The following CDH13 variants were observed in gnomAD, a reference collection of about 807,000 sequenced individuals.
The protein encoded by CDH13 is cadherin-13.
A neutral mutation model predicts 63.8 loss-of-function variants in CDH13; 24 were observed. The observed-to-expected ratio is 0.38, with a 90% CI of 0.27 to 0.53. The LOEUF is 0.53. CDH13 is among the 20% of genes least tolerant of loss of function. The pLI is 0.85. For synonymous variants in CDH13, 503 were observed against 355.3 expected (o/e 1.42, Z -4.67); for missense variants, 1,049 against 903.1 (o/e 1.16, Z -2.07).
intron 7 of CDH13, among the ~76,000 whole-genome samples, chr16:83,547,570 G>C (rs2075408814): frequency 6.6e-6 from 1 of 152,120 alleles, no homozygotes; most frequent in African/African-American, 2.4e-5. Context: ...TTCTGTTCCT[G>C]GGTTAGTTTG....
chr16:82,870,864 C>G (rs570718754), intron 2 of CDH13, among the ~76,000 whole-genome samples: 1 of 152,304 alleles, frequency 6.6e-6, no homozygotes, highest in Admixed American at 6.5e-5. Context: ...GAAATATTAG[C>G]TGTCAGAAAC....
At chr16:82,706,876 T>C (rs2031537082) in intron 1 of CDH13, among the ~76,000 whole-genome samples, 1 of 152,174 alleles carries the variant, frequency 6.6e-6, no homozygotes, top group African/African-American at 2.4e-5. Flanking sequence ...GAATTAGGTA[T>C]ATGTGCCTGC....
intron 4 of CDH13, among the ~76,000 whole-genome samples, chr16:83,194,804 G>C (rs2038827581): frequency 6.6e-6 from 1 of 152,188 alleles, no homozygotes; most frequent in South Asian, 2.1e-4. Flanking sequence ...GCAACACTTT[G>C]TGACGGCCAG....
intron 5 of CDH13, among the ~76,000 whole-genome samples, chr16:83,331,137 G>T (rs1055640851): frequency 6.6e-6 from 1 of 152,134 alleles, no homozygotes; most frequent in African/African-American, 2.4e-5. Flanking sequence ...GGACGGACTT[G>T]GGCCTTAAAG....
intron 10 of CDH13, chr16:83,735,480 A>G (rs868048697): frequency 1.3e-5 from 2 of 152,148 alleles, no homozygotes; most frequent in East Asian, 3.8e-4. Flanking sequence ...TTTATGAGGC[A>G]TAATGTGATG....
intron 7 of CDH13, 72 bp downstream of exon 7, chr16:83,486,727 G>A: frequency 7.1e-7 from 1 of 1,416,654 alleles, no homozygotes; most frequent in Non-Finnish European, 9.9e-7. Context: ...ATGATGTGGG[G>A]CTCCAGTCAG....
At chr16:82,948,139 A>G (rs982039927) in intron 2 of CDH13, among the ~76,000 whole-genome samples, 2 of 152,194 alleles carry the variant, frequency 1.3e-5, no homozygotes, top group Non-Finnish European at 2.9e-5. Context: ...CTATCAAAAC[A>G]AAGAAATGAA....
intron 4 of CDH13, among the ~76,000 whole-genome samples, chr16:83,130,893 C>G (rs770792661): frequency 1.3e-5 from 2 of 152,162 alleles, no homozygotes; most frequent in Non-Finnish European, 2.9e-5. Flanking sequence ...AAGCAAGGTG[C>G]TGTGGCAAGT....
At chr16:83,697,670 CAG>C (rs1421884975) in intron 10 of CDH13, among the ~76,000 whole-genome samples, 1 of 152,222 alleles carries the variant, frequency 6.6e-6, no homozygotes, top group Non-Finnish European at 1.5e-5. Context: ...GTTTTTGAGA[CAG>C]AGTCTCACTC....
In CDH13 at chr16:82,627,380, G is replaced by GTGTGTA. The variant is rs1468653196; in HGVS notation, c.45+244_45+245insGTGTAT. 2.1e-4 allele frequency among the ~76,000 whole-genome samples: 30 copies of GTGTGTA among 142,520 alleles called. No homozygotes were observed. The East Asian group carries it at 6.6e-3, about 32-fold the overall frequency. 93.5% of individuals were successfully genotyped at this position (142,520 alleles called of 152,430 possible). The stretch of plus-strand genomic sequence containing the variant: ...TGTGTGTGTGTGTGTGTGTGTGTGT[G>GTGTGTA]TACGTTCGTTAACGGGAGGAGGAGA... On this transcript the variant is annotated intron_variant, in intron 1 of 13. Coordinates refer to ENST00000567109, the MANE Select transcript of CDH13 (RefSeq NM_001257.5).
chr16:83,634,125 GTGTGTGTGTA>G (rs56820106), intron 8 of CDH13, among the ~76,000 whole-genome samples: 16,384 of 127,184 alleles, frequency 0.13, 972 homozygotes, highest in East Asian at 0.24. Context: ...TTCTGTGTGT[GTGTGTGTGTA>G]TGTGTGTGTG....
intron 7 of CDH13, among the ~76,000 whole-genome samples, chr16:83,570,636 C>T (rs963550709): frequency 1.3e-5 from 2 of 150,638 alleles, no homozygotes; most frequent in Non-Finnish European, 2.9e-5. Context: ...AGACAAAGTC[C>T]ATCCTAGTAT....
chr16:83,407,722 C>T (rs2092068398), intron 6 of CDH13, among the ~76,000 whole-genome samples: 1 of 151,938 alleles, frequency 6.6e-6, no homozygotes, highest in Non-Finnish European at 1.5e-5. Context: ...TTTTGGAAAC[C>T]TTCCCTCCTC....
Position 83,234,182 on chromosome 16 carries a change from A to G in CDH13, c.636+16685A>G, listed in dbSNP as rs542331310. Among the ~76,000 whole-genome samples, 11 of 152,356 alleles carry G rather than the reference A, an allele frequency of 7.2e-5. No homozygotes were observed. The East Asian group carries it at 1.7e-3, about 24-fold the overall frequency. On this transcript the variant is annotated intron_variant, in intron 5 of 13. Transcript: ENST00000567109. Reference sequence around the variant, plus strand: ...GTGTGGCAACACTGGTGTCTCTGATAGGTTTTCTTTCCAGAGTGGGAGTGC... The same window carrying G: ...GTGTGGCAACACTGGTGTCTCTGATGGGTTTTCTTTCCAGAGTGGGAGTGC...
rs1190467696 is a variant in CDH13, at chr16:82,980,805, GA to G, written c.158-51201del. 2.0e-5 allele frequency among the ~76,000 whole-genome samples: 3 copies of G among 152,148 alleles called. No homozygotes were observed. In the East Asian group the frequency reaches 5.8e-4, roughly 29 times the overall value. On this transcript the variant is annotated intron_variant, in intron 2 of 13. Transcript: ENST00000567109. ...GGTCCTCATTTTTCAACACAGTCAA[GA>G]AAATATCTGTTTGTTTCATGACTGA...
At chr16:83,592,250 A>G (rs575742203) in intron 7 of CDH13, among the ~76,000 whole-genome samples, 1 of 152,266 alleles carries the variant, frequency 6.6e-6, no homozygotes, top group African/African-American at 2.4e-5. Flanking sequence ...TTTCCTGAGC[A>G]CCCCACATTC....
At chr16:83,294,437 C>G (rs2089539771) in intron 5 of CDH13, among the ~76,000 whole-genome samples, 1 of 152,140 alleles carries the variant, frequency 6.6e-6, no homozygotes. Context: ...CCATTCTACT[C>G]ACTACTTCTG....
chr16:83,091,017 TTATTA>T (rs1287851724), intron 3 of CDH13, among the ~76,000 whole-genome samples: 5 of 152,210 alleles, frequency 3.3e-5, no homozygotes, highest in Non-Finnish European at 2.9e-5. Flanking sequence ...ATTTTTCTAC[TTATTA>T]TATAACATTT....
intron 8 of CDH13, among the ~76,000 whole-genome samples, chr16:83,625,423 T>C (rs1460721288): frequency 6.6e-6 from 1 of 152,128 alleles, no homozygotes; most frequent in East Asian, 1.9e-4. Flanking sequence ...ATTTGATTTC[T>C]TCAGGTCCAT....
Sources: allele counts gnomAD v4.1 joint callset (sites outside exome capture counted in the v4.1 genomes callset), GRCh38; gene constraint gnomAD v4.1.1; transcripts MANE v1.5; gene names NCBI Gene and HGNC (gene_info 2026-07-23, HGNC 2026-07-21).